The following LRCH3 variants were observed in gnomAD, a reference collection of about 807,000 sequenced individuals.
LRCH3 encodes leucine rich repeats and calponin homology domain containing 3, also known as DISP complex protein LRCH3.
Under a neutral mutation model 104.5 loss-of-function variants are expected in LRCH3, and 68 were observed. That is an observed-to-expected ratio of 0.65 (90% CI 0.54 to 0.80). LRCH3 has a LOEUF of 0.80. LRCH3 is among the 30% of genes least tolerant of loss of function. The pLI, the probability that LRCH3 is intolerant of heterozygous loss-of-function variation, is 0.00. For synonymous variants in LRCH3, 344 were observed against 361.3 expected, an observed-to-expected ratio of 0.95 and a Z score of 0.54; for missense variants, 951 against 953.9, an observed-to-expected ratio of 1.00 and a Z score of 0.04.
At chr3:197,848,676 T>C (rs1440918998) in intron 12 of LRCH3, among the ~76,000 whole-genome samples, 1 of 152,264 alleles carries the variant, frequency 6.6e-6, no homozygotes, top group African/African-American at 2.4e-5. Flanking sequence ...ATGTCTGTTT[T>C]ACTTACTGCT....
rs188665549 is a variant in LRCH3 at position 197,871,869 on chromosome 3, A to G, written c.2130+407A>G. 4.3e-3 allele frequency among the ~76,000 whole-genome samples: 661 copies of G among 152,334 alleles called. 2 individuals carry two copies. Among genetic ancestry groups the G allele is most frequent in the African/African-American group, 0.015 (632 of 41,576 alleles). ...GCTAAGGAAAGTTTGGCTTTTACTT[A>G]AGGAATTGGTAAATTGTTCAGAATG... On this transcript the variant is annotated intron_variant, in intron 19 of 20. Coordinates refer to ENST00000425562, the MANE Select transcript of LRCH3 (RefSeq NM_001365715.1).
intron 20 of LRCH3, chr3:197,882,919 T>C (rs1713911668): frequency 1.0e-6 from 1 of 985,262 alleles, no homozygotes; most frequent in Admixed American, 6.1e-5. Flanking sequence ...GTAATTCAGA[T>C]TTTTAATTCA....
chr3:197,846,279 C>A (rs921187682), intron 10 of LRCH3, among the ~76,000 whole-genome samples: 1 of 151,680 alleles, frequency 6.6e-6, no homozygotes, highest in Non-Finnish European at 1.5e-5. Flanking sequence ...TTGACACACA[C>A]CTGTAGGCCA....
intron 4 of LRCH3, among the ~76,000 whole-genome samples, chr3:197,824,263 C>T (rs182277160): frequency 1.4e-4 from 21 of 151,900 alleles, no homozygotes; most frequent in Non-Finnish European, 2.4e-4. Context: ...TGGGGTTTCA[C>T]CATGTTGGTC....
Position 197,856,972 on chromosome 3 carries a change from T to A in LRCH3, c.1645-1862T>A, listed in dbSNP as rs182576833. 1.2e-3 allele frequency among the ~76,000 whole-genome samples: 188 copies of A among 152,370 alleles called. No homozygotes were observed. Among genetic ancestry groups the A allele is most frequent in the African/African-American group, 4.4e-3 (183 of 41,580 alleles). ...GAAACTTACGATTTGAAATGAAGAT[T>A]TATAACAGCTAATATCAGTTTACAC... On this transcript the variant is annotated intron_variant, in intron 14 of 20. Transcript: ENST00000425562. This position sits in a 1 kb window ranked among gnomAD's most constrained non-coding sequence, Gnocchi z 4.2.
intron 14 of LRCH3, among the ~76,000 whole-genome samples, chr3:197,857,554 T>C (rs1481195538): frequency 6.6e-6 from 1 of 152,242 alleles, no homozygotes; most frequent in Non-Finnish European, 1.5e-5. Flanking sequence ...TCAGTTACAC[T>C]GACATTCTCT....
At chr3:197,821,232 G>A (rs559259871) in intron 4 of LRCH3, among the ~76,000 whole-genome samples, 30 of 152,308 alleles carry the variant, frequency 2.0e-4, no homozygotes, top group African/African-American at 7.2e-4. Context: ...GAGGTGATGT[G>A]TAGAGTGAAT....
intron 15 of LRCH3, among the ~76,000 whole-genome samples, chr3:197,861,962 C>T (rs1007062070): frequency 4.6e-5 from 7 of 152,130 alleles, no homozygotes; most frequent in South Asian, 2.1e-4. Context: ...GTTTTCATCA[C>T]GCCCAGTAGT....
chr3:197,846,553 A>C (rs999758574), intron 10 of LRCH3, among the ~76,000 whole-genome samples: 1 of 151,706 alleles, frequency 6.6e-6, no homozygotes, highest in African/African-American at 2.4e-5. Context: ...TTAAAAAAAA[A>C]AAAACAAAAA....
chr3:197,794,141 A>C (rs1296906472), intron 1 of LRCH3, among the ~76,000 whole-genome samples: 2 of 152,198 alleles, frequency 1.3e-5, no homozygotes, highest in Non-Finnish European at 2.9e-5. Context: ...TATCACCACT[A>C]TATAGTATCA....
intron 4 of LRCH3, among the ~76,000 whole-genome samples, chr3:197,824,101 G>A (rs1580657951): frequency 1.3e-5 from 2 of 149,162 alleles, no homozygotes; most frequent in African/African-American, 5.0e-5. Context: ...GTCTTGCTCT[G>A]TCGCCCAGGC....
chr3:197,878,214 T>C (rs548403981), intron 20 of LRCH3, among the ~76,000 whole-genome samples: 15 of 152,328 alleles, frequency 9.8e-5, no homozygotes, highest in African/African-American at 3.4e-4. Context: ...TCAAAACCTG[T>C]TGAAAGGTCT....
intron 4 of LRCH3, among the ~76,000 whole-genome samples, chr3:197,825,259 T>C (rs1375173273): frequency 6.6e-6 from 1 of 152,010 alleles, no homozygotes; most frequent in African/African-American, 2.4e-5. Context: ...TATGTTAATG[T>C]GCCATAGCAT....
chr3:197,830,891 A>G, intron 7 of LRCH3, 28 bp downstream of exon 7: 3 of 1,485,436 alleles, frequency 2.0e-6, no homozygotes, highest in Middle Eastern at 1.7e-4. Flanking sequence ...TCCGTGTGTT[A>G]TAACACCTGA....
intron 9 of LRCH3, among the ~76,000 whole-genome samples, chr3:197,837,939 A>G (rs1737091644): frequency 6.6e-6 from 1 of 152,116 alleles, no homozygotes; most frequent in Non-Finnish European, 1.5e-5. Context: ...AGGTGCCTGT[A>G]ATCCCAGCCA....
chr3:197,844,043 T>C (rs1317626406), intron 10 of LRCH3, among the ~76,000 whole-genome samples: 1 of 152,204 alleles, frequency 6.6e-6, no homozygotes, highest in Non-Finnish European at 1.5e-5. Flanking sequence ...GATGCCATGA[T>C]AATATTTCAG....
chr3:197,799,917 C>T (rs1336298309), intron 1 of LRCH3, among the ~76,000 whole-genome samples: 1 of 151,740 alleles, frequency 6.6e-6, no homozygotes, highest in African/African-American at 2.4e-5. Context: ...TGCAGTGGCT[C>T]ATGCCTGTAA....
At chr3:197,850,327 A>G in intron 12 of LRCH3, 3 of 728,544 alleles carry the variant, frequency 4.1e-6, no homozygotes, top group South Asian at 1.7e-5. Context: ...TAATTCTCCC[A>G]ACTCTCTTTA....
At chr3:197,838,443 AGATGCTATTTCTTGGAAGT>A (rs1737239234) in intron 9 of LRCH3, among the ~76,000 whole-genome samples, 2 of 141,144 alleles carry the variant, frequency 1.4e-5, no homozygotes, top group African/African-American at 6.2e-5. Context: ...TCTTGGAGGT[AGATGCTATTTCTTGGAAGT>A]AGATGGTAAG....
Sources: gnomAD v4.1 joint callset for allele counts (sites outside exome capture counted in the v4.1 genomes callset) on GRCh38, gnomAD v4.1.1 for gene constraint, Gnocchi (gnomAD v3.1) non-coding constraint, MANE v1.5 for transcripts, NCBI Gene and HGNC (gene_info 2026-07-23, HGNC 2026-07-21) for gene names.